The following NKAIN1 variants were observed in gnomAD, a reference collection of about 807,000 sequenced individuals.
The protein encoded by NKAIN1 is sodium/potassium transporting ATPase interacting 1, also known as sodium/potassium-transporting ATPase subunit beta-1-interacting protein 1.
NKAIN1 carries 13 observed loss-of-function variants against 31.6 expected under a neutral mutation model. The observed-to-expected ratio is 0.41, with a 90% CI of 0.27 to 0.65. NKAIN1 has a LOEUF of 0.65. Ranked by LOEUF, NKAIN1 falls within the 30% of genes least tolerant of loss-of-function variation. NKAIN1 has a pLI of 0.30. For synonymous variants in NKAIN1, 104 were observed against 109.0 expected, an observed-to-expected ratio of 0.95 and a Z score of 0.28; for missense variants, 193 against 262.2, an observed-to-expected ratio of 0.74 and a Z score of 1.82.
At chr1:31,184,653 G>A (rs1645228650) in intron 3 of NKAIN1, among the ~76,000 whole-genome samples, 2 of 152,080 alleles carry the variant, frequency 1.3e-5, no homozygotes, top group Middle Eastern at 3.2e-3. Flanking sequence ...TTTTAGAGCT[G>A]GGATTTGAAT....
At position 31,233,719 on chromosome 1, in the gene NKAIN1, A is replaced by C. The variant is rs1302847183; in HGVS notation, c.54+5775T>G. Reference sequence around the variant, plus strand: ...AGATGGGGCTGACGTGACTTGTCCAAGTCTCAAGGCAAATCATAGCTAGCC... The same window carrying C: ...AGATGGGGCTGACGTGACTTGTCCACGTCTCAAGGCAAATCATAGCTAGCC... On this transcript the variant is annotated intron_variant, in intron 1 of 6. Coordinates refer to ENST00000373736, the MANE Select transcript of NKAIN1 (RefSeq NM_024522.3). The surrounding 1 kb of genome is among the most constrained non-coding windows in gnomAD (Gnocchi z 4.0). 6.6e-6 allele frequency among the ~76,000 whole-genome samples: 1 copy of C among 152,214 alleles called. No homozygotes were observed. Among genetic ancestry groups the C allele is most frequent in the Non-Finnish European group, 1.5e-5 (1 of 68,044 alleles).
At chr1:31,202,207 C>T (rs1645385578) in intron 1 of NKAIN1, among the ~76,000 whole-genome samples, 1 of 152,230 alleles carries the variant, frequency 6.6e-6, no homozygotes, top group African/African-American at 2.4e-5. Flanking sequence ...CCTTCCCCAG[C>T]TGGGGGGCTC....
intron 1 of NKAIN1, among the ~76,000 whole-genome samples, chr1:31,221,583 G>A (rs536734150): frequency 6.6e-6 from 1 of 151,254 alleles, no homozygotes; most frequent in Non-Finnish European, 1.5e-5. Context: ...CTACAGGCAC[G>A]CGCCACCAAG....
At chr1:31,211,256 A>G (rs1645466686) in intron 1 of NKAIN1, among the ~76,000 whole-genome samples, 2 of 152,242 alleles carry the variant, frequency 1.3e-5, no homozygotes, top group African/African-American at 4.8e-5. Context: ...TATGTAGAAT[A>G]AACTAAAGAA....
chr1:31,227,739 T>C (rs1334760739), intron 1 of NKAIN1, among the ~76,000 whole-genome samples: 1 of 152,176 alleles, frequency 6.6e-6, no homozygotes, highest in Non-Finnish European at 1.5e-5. Context: ...TTTGATTCCA[T>C]GATAGCGTGA....
chr1:31,185,451 G>A, intron 2 of NKAIN1, 124 bp from the exon 3 acceptor site: 1 of 738,840 alleles, frequency 1.4e-6, no homozygotes, highest in Non-Finnish European at 2.4e-6. Flanking sequence ...ACCTCACTCA[G>A]AGAGCACAGT....
chr1:31,215,018 G>T (rs1645500105), intron 1 of NKAIN1, among the ~76,000 whole-genome samples: 1 of 152,224 alleles, frequency 6.6e-6, no homozygotes, highest in African/African-American at 2.4e-5. Context: ...TCAGCATCTG[G>T]AAGGAGCCCG....
intron 1 of NKAIN1, among the ~76,000 whole-genome samples, chr1:31,225,327 T>C (rs1308907310): frequency 5.7e-4 from 2 of 3,532 alleles, no homozygotes; most frequent in South Asian, 0.028. Flanking sequence ...TGCCCGGCCT[T>C]TTTTTTTTTT....
Position 31,181,588 on chromosome 1 carries a change from CA to C in NKAIN1, c.*114del. ...CTCCAGATGCAGACGCGGGGTTGGG[CA>C]CAGGCTGCAGTGAGCGCGCGGGCCA... On this transcript the variant is annotated 3_prime_UTR_variant, in exon 7 of 7. Transcript: ENST00000373736. The C allele has an allele frequency of 1.2e-5, 12 of 993,806 alleles. No individual in the cohort carries two copies. Among genetic ancestry groups the C allele is most frequent in the Non-Finnish European group, 1.6e-5 (12 of 732,588 alleles). 61.6% of individuals were successfully genotyped at this position (993,806 alleles called of 1,614,324 possible).
At chr1:31,207,588 GA>G (rs1485032771) in intron 1 of NKAIN1, among the ~76,000 whole-genome samples, 3 of 152,104 alleles carry the variant, frequency 2.0e-5, no homozygotes, top group Non-Finnish European at 4.4e-5. Context: ...GCAGCTGCCT[GA>G]CCCCCCTGCC....
At chr1:31,188,266 A>C (rs1645260127) in intron 1 of NKAIN1, 79 bp from the exon 2 acceptor site, 2 of 1,471,798 alleles carry the variant, frequency 1.4e-6, no homozygotes, top group African/African-American at 2.8e-5. Context: ...CTTGGGGAGC[A>C]GGTGGCACCA....
intron 1 of NKAIN1, among the ~76,000 whole-genome samples, chr1:31,208,392 C>A (rs553957808): frequency 6.6e-6 from 1 of 152,300 alleles, no homozygotes; most frequent in South Asian, 2.1e-4. Flanking sequence ...GCCTCTGCTG[C>A]AGCTTTCTCA....
At chr1:31,224,673 G>A (rs913581838) in intron 1 of NKAIN1, among the ~76,000 whole-genome samples, 23 of 152,254 alleles carry the variant, frequency 1.5e-4, no homozygotes, top group African/African-American at 4.6e-4. Flanking sequence ...ATCATGAAGC[G>A]TAAGTGCCCT....
chr1:31,213,980 T>C (rs1570469149), intron 1 of NKAIN1, among the ~76,000 whole-genome samples: 1 of 147,766 alleles, frequency 6.8e-6, no homozygotes. Flanking sequence ...GACCACAGAG[T>C]GAGCCCCTGT....
At chr1:31,185,460 G>T in intron 2 of NKAIN1, 133 bp from the exon 3 acceptor site, 1 of 703,278 alleles carries the variant, frequency 1.4e-6, no homozygotes, top group Non-Finnish European at 2.5e-6. Context: ...AGAGAGCACA[G>T]TGTAGCTTAC....
Position 31,217,563 on chromosome 1 carries a change from A to T in NKAIN1, c.54+21931T>A, listed in dbSNP as rs185250259. ...ACCCGGAAACATCAAGACCATGGGG[A>T]AAGGCTCTAGCAGCAGACTCTTGCC... On this transcript the variant is annotated intron_variant, in intron 1 of 6. Transcript: ENST00000373736. Among the ~76,000 whole-genome samples the T allele has an allele frequency of 3.2e-4, 49 of 152,334 alleles. No individual in the cohort carries two copies. The East Asian group carries it at 9.4e-3, about 29-fold the overall frequency.
chr1:31,203,587 A>ATT (rs374430209), intron 1 of NKAIN1, among the ~76,000 whole-genome samples: 10,996 of 142,554 alleles, frequency 0.077, 1,085 homozygotes, highest in African/African-American at 0.22. Flanking sequence ...TCGAGGAGTA[A>ATT]TTTTTTTTTT....
At chr1:31,231,353 T>A (rs1161487030) in intron 1 of NKAIN1, among the ~76,000 whole-genome samples, 2 of 150,464 alleles carry the variant, frequency 1.3e-5, no homozygotes, top group Non-Finnish European at 3.0e-5. Context: ...TTTTTTTTTT[T>A]AATAGATGCA....
intron 1 of NKAIN1, among the ~76,000 whole-genome samples, chr1:31,226,186 G>A (rs1645602906): frequency 6.6e-6 from 1 of 152,232 alleles, no homozygotes; most frequent in Non-Finnish European, 1.5e-5. Flanking sequence ...GAGACGTCAA[G>A]CAACTTGCCC....
Sources: gnomAD v4.1 joint callset for allele counts (sites outside exome capture counted in the v4.1 genomes callset) on GRCh38, gnomAD v4.1.1 for gene constraint, Gnocchi (gnomAD v3.1) non-coding constraint, MANE v1.5 for transcripts, NCBI Gene and HGNC (gene_info 2026-07-23, HGNC 2026-07-21) for gene names.